The following ROCK1 variants were observed in gnomAD, a reference collection of about 807,000 sequenced individuals.
ROCK1 encodes the protein Rho associated coiled-coil containing protein kinase 1, also known as rho-associated protein kinase 1.
In ROCK1, 36 loss-of-function variants were observed where a neutral mutation model predicts 196.8. The ratio of observed to expected loss-of-function variants is 0.18; its 90% CI spans 0.14 to 0.24. The LOEUF (loss-of-function observed/expected upper bound fraction) is 0.24. ROCK1 is among the 10% of genes least tolerant of loss of function. The pLI, the probability that ROCK1 is intolerant of heterozygous loss-of-function variation, is 1.00. For missense variants in ROCK1, 920 were observed against 1,562.0 expected (o/e 0.59, Z 6.93); for synonymous variants, 443 against 515.9 (o/e 0.86, Z 1.91).
chr18:20,969,164 T>C lies in ROCK1; in HGVS notation c.2865A>G (p.Leu955=). Residue 955 remains leucine, a synonymous_variant, in exon 24 of 33, where the codon TTA becomes TTG. Coordinates refer to ENST00000399799, the MANE Select transcript of ROCK1 (RefSeq NM_005406.3). ...NSMLTKDIEI[L]RRENEELTEK... ...CTGTTAGCTCTTCATTCTCTCTTCTTAATATTTCAATATCTTTGGTTAGCA... is the reference window on the plus strand; with the variant it reads ...CTGTTAGCTCTTCATTCTCTCTTCTCAATATTTCAATATCTTTGGTTAGCA... 6.2e-7 allele frequency: 1 copy of C among 1,604,594 alleles called. No homozygotes were observed. The highest frequency in any genetic ancestry group is 8.5e-7 in the Non-Finnish European group (1 of 1,178,444).
chr18:21,033,854 T>TAA (rs71269004), intron 9 of ROCK1, among the ~76,000 whole-genome samples: 2,934 of 33,396 alleles, frequency 0.088, 420 homozygotes, highest in Middle Eastern at 0.15. Context: ...CCGTTTCTAC[T>TAA]AAAAAAAAAA....
chr18:21,082,961 C>A (rs1177135324), intron 1 of ROCK1, among the ~76,000 whole-genome samples: 2 of 152,000 alleles, frequency 1.3e-5, no homozygotes, highest in Non-Finnish European at 2.9e-5. Flanking sequence ...CAAAACAAAA[C>A]AAAAAAATCC....
intron 27 of ROCK1, among the ~76,000 whole-genome samples, chr18:20,962,794 T>C (rs1012659142): frequency 6.6e-6 from 1 of 152,154 alleles, no homozygotes; most frequent in African/African-American, 2.4e-5. Context: ...AACAATGTCA[T>C]GGGAGAAAAT....
At chr18:20,958,163 A>G (rs1363977311) in intron 29 of ROCK1, among the ~76,000 whole-genome samples, 1 of 152,226 alleles carries the variant, frequency 6.6e-6, no homozygotes, top group African/African-American at 2.4e-5. Context: ...ACTAGTGTTT[A>G]TGTATTATTT....
intron 23 of ROCK1, 81 bp from the exon 24 acceptor site, chr18:20,969,289 T>C: frequency 5.0e-6 from 4 of 796,196 alleles, no homozygotes; most frequent in East Asian, 2.5e-5. Flanking sequence ...AATATACTGC[T>C]AGATAAAGAC....
intron 9 of ROCK1, 29 bp from the exon 10 acceptor site, chr18:21,028,964 C>G: frequency 6.3e-7 from 1 of 1,595,298 alleles, no homozygotes; most frequent in Non-Finnish European, 8.5e-7. Flanking sequence ...TAGTTGTTCA[C>G]TTCAAACTTA....
chr18:21,101,263 G>T (rs2036657146), intron 1 of ROCK1, among the ~76,000 whole-genome samples: 1 of 152,158 alleles, frequency 6.6e-6, no homozygotes, highest in South Asian at 2.1e-4. Context: ...AAATAACAGG[G>T]ATTCAGTTAA....
chr18:21,056,261 A>G (rs1293765719), intron 2 of ROCK1, among the ~76,000 whole-genome samples: 1 of 152,154 alleles, frequency 6.6e-6, no homozygotes, highest in South Asian at 2.1e-4. Flanking sequence ...AAACTTATCT[A>G]TTCAATTACT....
intron 9 of ROCK1, among the ~76,000 whole-genome samples, chr18:21,035,717 G>C (rs2036051254): frequency 6.6e-6 from 1 of 152,026 alleles, no homozygotes; most frequent in African/African-American, 2.4e-5. Context: ...CGGATAAATG[G>C]ATAAACAAAA....
chr18:21,085,793 A>G (rs1189516319), intron 1 of ROCK1, among the ~76,000 whole-genome samples: 1 of 152,232 alleles, frequency 6.6e-6, no homozygotes, highest in Non-Finnish European at 1.5e-5. Context: ...TCTCATCTGT[A>G]AAACAAGATA....
At chr18:21,085,572 T>C (rs2036520097) in intron 1 of ROCK1, among the ~76,000 whole-genome samples, 1 of 152,092 alleles carries the variant, frequency 6.6e-6, no homozygotes, top group Non-Finnish European at 1.5e-5. Flanking sequence ...CATTTTTAGG[T>C]AGAAAAGATA....
intron 32 of ROCK1, among the ~76,000 whole-genome samples, chr18:20,952,368 C>A (rs1169444386): frequency 6.9e-6 from 1 of 144,036 alleles, no homozygotes; most frequent in East Asian, 2.1e-4. Context: ...GGTGACAGAG[C>A]GAGACTCTGT....
At chr18:21,095,105 T>G (rs1308680822) in intron 1 of ROCK1, among the ~76,000 whole-genome samples, 2 of 144,478 alleles carry the variant, frequency 1.4e-5, no homozygotes, top group African/African-American at 5.1e-5. Context: ...TATGAAAAGG[T>G]ACTCAGCACC....
intron 1 of ROCK1, among the ~76,000 whole-genome samples, chr18:21,082,961 CA>C (rs541203541): frequency 3.9e-5 from 6 of 152,000 alleles, no homozygotes; most frequent in Non-Finnish European, 7.4e-5. Context: ...CAAAACAAAA[CA>C]AAAAAATCCG....
chr18:21,045,158 C>T, intron 5 of ROCK1, 134 bp downstream of exon 5: 1 of 749,406 alleles, frequency 1.3e-6, no homozygotes, highest in Non-Finnish European at 2.0e-6. Flanking sequence ...AGCGCCTGGC[C>T]AGAGTCTTGA....
chr18:21,040,001 G>A (rs986963747), intron 8 of ROCK1, among the ~76,000 whole-genome samples: 3 of 152,156 alleles, frequency 2.0e-5, no homozygotes, highest in African/African-American at 7.2e-5. Flanking sequence ...AGGCTACAGT[G>A]AGCTGAGATT....
In ROCK1 at chr18:21,042,951, A is replaced by G. The variant is rs553107266; in HGVS notation, c.676-242T>C. Among the ~76,000 whole-genome samples, 6 of 152,294 alleles carry G rather than the reference A, an allele frequency of 3.9e-5. No individual in the cohort carries two copies. The East Asian group carries it at 7.7e-4, about 20-fold the overall frequency. ...TATGTGTATACATGTGAATGCATATACACACACATTATATGTGTATTCACA... is the reference window on the plus strand; with the variant it reads ...TATGTGTATACATGTGAATGCATATGCACACACATTATATGTGTATTCACA... On this transcript the variant is annotated intron_variant, in intron 6 of 32. Coordinates refer to ENST00000399799, the MANE Select transcript of ROCK1 (RefSeq NM_005406.3).
intron 11 of ROCK1, among the ~76,000 whole-genome samples, chr18:21,022,517 C>T (rs1238459818): frequency 6.6e-6 from 1 of 152,052 alleles, no homozygotes; most frequent in Non-Finnish European, 1.5e-5. Flanking sequence ...CTCTGTAGCC[C>T]TATGATTTTA....
intron 1 of ROCK1, among the ~76,000 whole-genome samples, chr18:21,076,896 T>A (rs1330088454): frequency 1.3e-5 from 2 of 151,340 alleles, no homozygotes; most frequent in Non-Finnish European, 2.9e-5. Flanking sequence ...CTATCCCAAA[T>A]GGTAGGAAAG....
Sources: gnomAD v4.1 joint callset for allele counts (sites outside exome capture counted in the v4.1 genomes callset) on GRCh38, gnomAD v4.1.1 for gene constraint, MANE v1.5 for transcripts, NCBI Gene and HGNC (gene_info 2026-07-23, HGNC 2026-07-21) for gene names.